Variants in TBXA2R observed in about 807,000 individuals in gnomAD.
The protein encoded by TBXA2R is thromboxane A2 receptor, also known as prostanoid TP receptor.
A neutral mutation model predicts 15.6 loss-of-function variants in TBXA2R; 15 were observed. The observed-to-expected ratio is 0.96, with a 90% CI of 0.64 to 1.48. The LOEUF is 1.48. Among genes scored for constraint, TBXA2R ranks in the 40% most tolerant of loss-of-function variants. The pLI is 0.00. For missense variants in TBXA2R, 506 were observed against 491.4 expected (o/e 1.03, Z -0.28); for synonymous variants, 280 against 241.2 (o/e 1.16, Z -1.49).
intron 2 of TBXA2R, among the ~76,000 whole-genome samples, chr19:3,599,148 A>T (rs1156878457): frequency 6.7e-6 from 1 of 149,910 alleles, no homozygotes; most frequent in African/African-American, 2.5e-5. Context: ...GCTGCTTTCT[A>T]TTTTTTTTCT....
intron 1 of TBXA2R, among the ~76,000 whole-genome samples, chr19:3,603,014 C>T (rs181393000): frequency 1.3e-4 from 20 of 148,496 alleles, no homozygotes; most frequent in East Asian, 7.8e-4. Context: ...CCAGCCTGGG[C>T]GACAGAGCGA....
chr19:3,599,536 TG>T (rs2032673319), intron 2 of TBXA2R, among the ~76,000 whole-genome samples: 1 of 151,962 alleles, frequency 6.6e-6, no homozygotes, highest in Non-Finnish European at 1.5e-5. Flanking sequence ...TTCACCGTGT[TG>T]GCCAGAATGG....
intron 1 of TBXA2R, among the ~76,000 whole-genome samples, chr19:3,604,521 A>C: frequency 6.6e-6 from 1 of 150,740 alleles, no homozygotes; most frequent in Non-Finnish European, 1.5e-5. Flanking sequence ...TCATCCATCC[A>C]TTTCTCAACA....
chr19:3,596,760 T>C (rs1175962294), intron 2 of TBXA2R, among the ~76,000 whole-genome samples: 1 of 150,590 alleles, frequency 6.6e-6, no homozygotes, highest in Non-Finnish European at 1.5e-5. Context: ...TTTTTGTATT[T>C]TTAGTAGAGA....
intron 2 of TBXA2R, 23 bp downstream of exon 2, chr19:3,599,826 G>A: frequency 1.3e-6 from 2 of 1,548,774 alleles, no homozygotes; most frequent in Non-Finnish European, 1.7e-6. Context: ...AGGGTAGCAG[G>A]ACCCCGCAGA....
intron 1 of TBXA2R, among the ~76,000 whole-genome samples, chr19:3,603,389 G>A (rs1445479477): frequency 1.3e-5 from 2 of 152,242 alleles, no homozygotes; most frequent in Admixed American, 6.5e-5. Context: ...GGCCTGGAGA[G>A]CAGATGCGGT....
At chr19:3,600,811 C>T in intron 1 of TBXA2R, 94 bp from the exon 2 acceptor site, 1 of 528,100 alleles carries the variant, frequency 1.9e-6, no homozygotes, top group Non-Finnish European at 3.4e-6. Flanking sequence ...TGCCCCAGCT[C>T]AAATATCCTC....
intron 1 of TBXA2R, among the ~76,000 whole-genome samples, chr19:3,602,715 T>TC (rs2032760418): frequency 7.3e-6 from 1 of 137,290 alleles, no homozygotes. Flanking sequence ...AGAGCCAAGA[T>TC]CGTGCCACTG....
rs1323546666 is a variant in TBXA2R at position 3,595,473 on chromosome 19, G to T, written c.*215C>A. The T allele has an allele frequency of 2.1e-6, 3 of 1,422,794 alleles. No individual in the cohort carries two copies. In the African/African-American group the frequency reaches 4.3e-5, roughly 20 times the overall value. 88.1% of individuals were successfully genotyped at this position (1,422,794 alleles called of 1,614,324 possible). On this transcript the variant is annotated 3_prime_UTR_variant, in exon 3 of 3. Transcript: ENST00000375190. Reference sequence around the variant, plus strand: ...AGAGAAGGGGTGGGAGCTCTGGATGGGAAAAAGGGGCCGAGGAAGGGAGAG... The same window carrying T: ...AGAGAAGGGGTGGGAGCTCTGGATGTGAAAAAGGGGCCGAGGAAGGGAGAG...
At chr19:3,602,819 G>A (rs1202801650) in intron 1 of TBXA2R, among the ~76,000 whole-genome samples, 4 of 151,452 alleles carry the variant, frequency 2.6e-5, no homozygotes, top group Non-Finnish European at 5.9e-5. Context: ...GGCGGATCAC[G>A]AGGTCAGGAG....
In TBXA2R at chr19:3,595,937, C is replaced by T; in HGVS notation, c.787-4G>A. On this transcript the variant is annotated splice_region_variant and splice_polypyrimidine_tract_variant and intron_variant, in intron 2 of 2. Coordinates refer to ENST00000375190, the MANE Select transcript of TBXA2R (RefSeq NM_001060.6). ...GCACTGTCTGGGCGATGAAGACCTG[C>T]AAAGGGGAGAGCTGTCAGCCTGGGC... 1 of 1,583,952 alleles carries T rather than the reference C, an allele frequency of 6.3e-7. No individual in the cohort carries two copies.
At chr19:3,601,952 T>C (rs1447690778) in intron 1 of TBXA2R, among the ~76,000 whole-genome samples, 2 of 151,704 alleles carry the variant, frequency 1.3e-5, no homozygotes, top group East Asian at 3.9e-4. Context: ...CCAGGTGCGG[T>C]GGCTCACGCC....
Position 3,594,964 on chromosome 19 carries a change from C to T in TBXA2R, c.*724G>A. On this transcript the variant is annotated 3_prime_UTR_variant, in exon 3 of 3. Transcript: ENST00000375190. ...GCGCAGTGGCTTACGCCTGTAATCC[C>T]AGCTGCTCGGGAGGCTGAGGCACGA... The T allele has an allele frequency of 6.5e-7, 1 of 1,534,494 alleles. No homozygotes were observed. The highest frequency in any genetic ancestry group is 1.2e-5 in the South Asian group (1 of 84,000).
intron 2 of TBXA2R, among the ~76,000 whole-genome samples, chr19:3,597,033 G>C (rs35976116): frequency 0.47 from 69,745 of 149,956 alleles, 17,086 homozygotes; most frequent in Non-Finnish European, 0.55. Context: ...TCCGCCTCCT[G>C]GGTTCAAGCG....
rs201087249 is a variant in TBXA2R, at chr19:3,594,842, C to G, written c.*846G>C. The G allele has an allele frequency of 7.2e-4, 1,102 of 1,536,376 alleles. 1 individual carries two copies. The highest frequency in any genetic ancestry group is 1.8e-3 in the Admixed American group (92 of 50,912). On this transcript the variant is annotated 3_prime_UTR_variant, in exon 3 of 3. Coordinates refer to ENST00000375190, the MANE Select transcript of TBXA2R (RefSeq NM_001060.6). Reference sequence around the variant, plus strand: ...GGGGTGCCCCCGTTCACATTCAATCCTTTCTGGACAGAGCCTTCCCTGTTG... The same window carrying G: ...GGGGTGCCCCCGTTCACATTCAATCGTTTCTGGACAGAGCCTTCCCTGTTG...
intron 1 of TBXA2R, among the ~76,000 whole-genome samples, chr19:3,606,151 C>A (rs543685926): frequency 8.4e-4 from 128 of 152,304 alleles, no homozygotes; most frequent in African/African-American, 3.0e-3. Flanking sequence ...ATGGTTCACT[C>A]CCAGAGACAA....
At chr19:3,601,837 GA>G (rs2032744000) in intron 1 of TBXA2R, among the ~76,000 whole-genome samples, 2 of 151,980 alleles carry the variant, frequency 1.3e-5, no homozygotes, top group South Asian at 4.2e-4. Context: ...TGAGGCAGAA[GA>G]AATGCTTGAA....
At position 3,595,904 on chromosome 19, in the gene TBXA2R, G is replaced by C; in HGVS notation, c.816C>G (p.Asn272Lys). The change falls in exon 3 of 3, where the codon AAC becomes AAG. Residue 272 changes from asparagine (N) to lysine (K), a missense_variant. Transcript: ENST00000375190. ...GCCCGGCGGGGCTCATGGCAGGCGG[G>C]TTTCGCAGCACTGTCTGGGCGATGA... Reference protein sequence around the residue: ...LVFIAQTVLRNPPAMSPAGQL... With the variant: ...LVFIAQTVLRKPPAMSPAGQL... 1 of 1,602,902 alleles carries C rather than the reference G, an allele frequency of 6.2e-7. No individual in the cohort carries two copies.
In TBXA2R at chr19:3,598,998, A is replaced by G. The variant is rs560034169; in HGVS notation, c.786+851T>C. On this transcript the variant is annotated intron_variant, in intron 2 of 2. Coordinates refer to ENST00000375190, the MANE Select transcript of TBXA2R (RefSeq NM_001060.6). ...TGTTTTTTACTAAGAATTTCTTTCC[A>G]TGTTTAAATGGTTAGAGGAAAACAA... 1.2e-4 allele frequency among the ~76,000 whole-genome samples: 18 copies of G among 152,160 alleles called. No homozygotes were observed. The South Asian group carries it at 1.9e-3, about 16-fold the overall frequency.
Sources: gnomAD v4.1 joint callset for allele counts (sites outside exome capture counted in the v4.1 genomes callset) on GRCh38, gnomAD v4.1.1 for gene constraint, MANE v1.5 for transcripts, NCBI Gene and HGNC (gene_info 2026-07-23, HGNC 2026-07-21) for gene names.